Variants in RGSL1 observed in about 807,000 individuals in gnomAD.
RGSL1 encodes the protein regulator of G protein signaling like 1, also known as regulator of G protein signaling protein-like.
In RGSL1, 97 loss-of-function variants were observed where a neutral mutation model predicts 124.7. The observed-to-expected ratio is 0.78, with a 90% CI of 0.66 to 0.92. The LOEUF (loss-of-function observed/expected upper bound fraction) is 0.92. RGSL1 is among the 40% of genes least tolerant of loss of function. The probability of loss-of-function intolerance (pLI) is 0.00; values close to 1 mark genes in which losing one functional copy is unlikely to be tolerated. For synonymous variants in RGSL1, 424 were observed against 438.1 expected, an observed-to-expected ratio of 0.97 and a Z score of 0.40; for missense variants, 1,233 against 1,288.4, an observed-to-expected ratio of 0.96 and a Z score of 0.66.
intron 4 of RGSL1, among the ~76,000 whole-genome samples, chr1:182,461,139 T>C (rs1652799946): frequency 6.6e-6 from 1 of 152,000 alleles, no homozygotes. Context: ...TTTTTCTCTT[T>C]TTTTTTTCTT....
intron 6 of RGSL1, among the ~76,000 whole-genome samples, chr1:182,482,628 C>T (rs1168971768): frequency 3.3e-5 from 5 of 152,194 alleles, no homozygotes; most frequent in Non-Finnish European, 5.9e-5. Flanking sequence ...AACCTGCATA[C>T]TATTTTTCAC....
At chr1:182,548,642 A>C (rs981627725) in intron 16 of RGSL1, 58 bp from the exon 17 acceptor site, 22 of 1,543,050 alleles carry the variant, frequency 1.4e-5, no homozygotes, top group Admixed American at 2.0e-5. Context: ...GGGCCAGGAG[A>C]GGTTTTCTGC....
At position 182,556,067 on chromosome 1, in the gene RGSL1, A is replaced by G; in HGVS notation, c.*10A>G. 1 of 1,551,150 alleles carries G rather than the reference A, an allele frequency of 6.4e-7. No homozygotes were observed. The highest frequency in any genetic ancestry group is 8.7e-7 in the Non-Finnish European group (1 of 1,146,610). ...CAAAAAAGAGAAGTAATCAAGCGAGACCCCCAGCAGAGATAAATCATCTCT... is the reference window on the plus strand; with the variant it reads ...CAAAAAAGAGAAGTAATCAAGCGAGGCCCCCAGCAGAGATAAATCATCTCT... On this transcript the variant is annotated 3_prime_UTR_variant, in exon 21 of 22. Transcript: ENST00000294854.
intron 14 of RGSL1, among the ~76,000 whole-genome samples, chr1:182,536,716 C>T (rs575905078): frequency 4.6e-5 from 7 of 152,272 alleles, no homozygotes; most frequent in African/African-American, 1.7e-4. Context: ...AGGAGCAAGC[C>T]ACATCTTACG....
In RGSL1 at chr1:182,520,705, T is replaced by C. The variant is rs182739888; in HGVS notation, c.1826-1299T>C. Among the ~76,000 whole-genome samples the C allele has an allele frequency of 1.5e-4, 23 of 152,312 alleles. No homozygotes were observed. The East Asian group carries it at 4.4e-3, about 29-fold the overall frequency. On this transcript the variant is annotated intron_variant, in intron 9 of 21. Coordinates refer to ENST00000294854, the MANE Select transcript of RGSL1 (RefSeq NM_001137669.2). ...TTTTTGTTTTGCTTTGTTTTGTTTA[T>C]TTATTTGTTTATTTTATATCTGGTC... is the stretch of plus-strand genomic sequence containing the variant.
rs1408382754 is a variant in RGSL1 at position 182,493,122 on chromosome 1, T to C, written c.1818T>C (p.Pro606=). The C allele has an allele frequency of 2.6e-6, 4 of 1,545,614 alleles. No homozygotes were observed. The highest frequency in any genetic ancestry group is 2.4e-5 in the East Asian group (1 of 40,858). The change falls in exon 9 of 22, where the codon CCT becomes CCC. Residue 606 remains proline (P), a synonymous_variant. Coordinates refer to ENST00000294854, the MANE Select transcript of RGSL1 (RefSeq NM_001137669.2). ...DDYKIYCEKA[P]KIDFKMEIIK... is the part of the protein sequence containing the mutation. ...ACAAAATATACTGTGAGAAAGCACCTAAAATAGGCAAGTGTTTAAAATCAG... is the reference window on the plus strand; with the variant it reads ...ACAAAATATACTGTGAGAAAGCACCCAAAATAGGCAAGTGTTTAAAATCAG...
rs1282433524 is a variant in RGSL1 at position 182,532,623 on chromosome 1, A to G, written c.2365-39A>G. On this transcript the variant is annotated intron_variant, in intron 13 of 21. Transcript: ENST00000294854. ...AGTAGACTCTCGGTGAACAGCAACC[A>G]TACTAATGAACATGTTATACTCCTC... is the stretch of plus-strand genomic sequence containing the variant. 3 of 1,543,926 alleles carry G rather than the reference A, an allele frequency of 1.9e-6. No individual in the cohort carries two copies. The African/African-American group carries it at 4.1e-5, about 21-fold the overall frequency.
chr1:182,498,182 A>G (rs541343500), intron 9 of RGSL1, among the ~76,000 whole-genome samples: 4 of 152,148 alleles, frequency 2.6e-5, no homozygotes, highest in African/African-American at 9.6e-5. Flanking sequence ...TTTTTATTCA[A>G]TGGGTTATAA....
rs549449306 is a variant in RGSL1 at position 182,453,872 on chromosome 1, AATG to A, written c.14-83_14-81del. The A allele has an allele frequency of 1.2e-3, 883 of 733,446 alleles. 1 individual carries two copies. The highest frequency in any genetic ancestry group is 1.9e-3 in the Non-Finnish European group (780 of 420,510). The allele number at this position is 733,446 out of a possible 1,614,324, so 45.4% of individuals were successfully genotyped here. A position where few individuals can be genotyped will look rare whatever the true frequency, so the allele number is the denominator to read the frequency against. ...ATCATGCTGAGATTTGGCAACGTGA[AATG>A]ATCCATTCGATTGCTTCATTTTCTG... On this transcript the variant is annotated intron_variant, in intron 1 of 21. Transcript: ENST00000294854.
chr1:182,531,260 T>C (rs1483859190), intron 13 of RGSL1, among the ~76,000 whole-genome samples: 2 of 152,320 alleles, frequency 1.3e-5, no homozygotes, highest in Admixed American at 6.5e-5. Context: ...GTGAGCCTCT[T>C]ACTGTATAAC....
intron 6 of RGSL1, among the ~76,000 whole-genome samples, chr1:182,484,377 G>A (rs1654933110): frequency 6.6e-6 from 1 of 152,076 alleles, no homozygotes; most frequent in African/African-American, 2.4e-5. Flanking sequence ...TTAGGTATTG[G>A]TGTATGTGAC....
intron 9 of RGSL1, among the ~76,000 whole-genome samples, chr1:182,514,456 A>T (rs1657707729): frequency 6.6e-6 from 1 of 152,142 alleles, no homozygotes; most frequent in Admixed American, 6.5e-5. Flanking sequence ...TGCAGAGTGG[A>T]CTGCTTCTCA....
At chr1:182,467,373 C>T (rs908118824) in intron 4 of RGSL1, among the ~76,000 whole-genome samples, 2 of 152,166 alleles carry the variant, frequency 1.3e-5, no homozygotes, top group African/African-American at 4.8e-5. Flanking sequence ...AACTATACCA[C>T]AAGGCTACAG....
At chr1:182,518,783 C>T (rs1311258045) in intron 9 of RGSL1, among the ~76,000 whole-genome samples, 1 of 152,050 alleles carries the variant, frequency 6.6e-6, no homozygotes, top group Non-Finnish European at 1.5e-5. Context: ...TTTTTCACTT[C>T]TCTGCATCTC....
chr1:182,547,218 A>G (rs1660266181), intron 15 of RGSL1, among the ~76,000 whole-genome samples: 1 of 152,264 alleles, frequency 6.6e-6, no homozygotes, highest in Admixed American at 6.5e-5. Context: ...AACAAAAGTT[A>G]GGAAGTGTCT....
At chr1:182,488,490 T>A in intron 7 of RGSL1, 143 bp downstream of exon 7, 1 of 806,286 alleles carries the variant, frequency 1.2e-6, no homozygotes, top group South Asian at 1.7e-5. Flanking sequence ...TGGTCCCTGT[T>A]GTTCTAAAGC....
At chr1:182,479,623 A>AT (rs1654545560) in intron 6 of RGSL1, among the ~76,000 whole-genome samples, 1 of 152,192 alleles carries the variant, frequency 6.6e-6, no homozygotes, top group African/African-American at 2.4e-5. Flanking sequence ...AATTAACAAA[A>AT]TGGCAACAGT....
At chr1:182,475,167 G>C (rs917392943) in intron 6 of RGSL1, among the ~76,000 whole-genome samples, 1 of 152,214 alleles carries the variant, frequency 6.6e-6, no homozygotes, top group Admixed American at 6.5e-5. Flanking sequence ...TATTCTATGA[G>C]GAGAGTTTTA....
chr1:182,451,312 C>T (rs949420439), intron 1 of RGSL1, among the ~76,000 whole-genome samples: 14 of 117,914 alleles, frequency 1.2e-4, no homozygotes, highest in African/African-American at 3.5e-4. Context: ...ACAGATATAT[C>T]GATGGATAAA....
Sources: gnomAD v4.1 joint callset for allele counts (sites outside exome capture counted in the v4.1 genomes callset) on GRCh38, gnomAD v4.1.1 for gene constraint, MANE v1.5 for transcripts, NCBI Gene and HGNC (gene_info 2026-07-23, HGNC 2026-07-21) for gene names.